Variants in PDZRN4 observed in about 807,000 individuals in gnomAD.
The protein encoded by PDZRN4 is PDZ domain containing ring finger 4, also known as PDZ domain-containing RING finger protein 4.
In PDZRN4, 70 loss-of-function variants were observed where a neutral mutation model predicts 99.0. The observed-to-expected ratio is 0.71, with a 90% CI of 0.58 to 0.86. The LOEUF (loss-of-function observed/expected upper bound fraction) is 0.86, where lower values mean the gene tolerates loss of function less well. Among genes scored for constraint, PDZRN4 ranks in the 40% least tolerant of loss-of-function variants. The pLI is 0.00. For synonymous variants in PDZRN4, 551 were observed against 501.6 expected (o/e 1.10, Z -1.32); for missense variants, 1,474 against 1,331.2 (o/e 1.11, Z -1.67).
intron 3 of PDZRN4, among the ~76,000 whole-genome samples, chr12:41,476,592 C>A (rs1190821956): frequency 6.6e-6 from 1 of 152,184 alleles, no homozygotes; most frequent in Non-Finnish European, 1.5e-5. Context: ...ACCCGAGGAA[C>A]ACCTGAAACC....
At chr12:41,458,105 A>T (rs1257272975) in intron 3 of PDZRN4, among the ~76,000 whole-genome samples, 2 of 152,326 alleles carry the variant, frequency 1.3e-5, no homozygotes, top group East Asian at 3.9e-4. Context: ...TTAAAAGCAG[A>T]GAGTCTGAAC....
intron 5 of PDZRN4, among the ~76,000 whole-genome samples, chr12:41,545,555 C>T (rs1023149146): frequency 7.2e-6 from 1 of 138,116 alleles, no homozygotes; most frequent in African/African-American, 2.7e-5. Context: ...GTGTGTGTGA[C>T]AATGAGAGTG....
chr12:41,290,308 CT>C (rs563993106), intron 3 of PDZRN4, among the ~76,000 whole-genome samples: 130 of 152,198 alleles, frequency 8.5e-4, no homozygotes, highest in African/African-American at 2.9e-3. Context: ...TGAGTGAAGG[CT>C]TTTAAAAAAT....
chr12:41,470,514 A>T (rs1952977503), intron 3 of PDZRN4, among the ~76,000 whole-genome samples: 1 of 151,232 alleles, frequency 6.6e-6, no homozygotes, highest in Non-Finnish European at 1.5e-5. Context: ...TTTAATTATT[A>T]TTATACTTTA....
intron 3 of PDZRN4, among the ~76,000 whole-genome samples, chr12:41,416,218 C>T (rs1191645035): frequency 6.6e-6 from 1 of 152,212 alleles, no homozygotes; most frequent in African/African-American, 2.4e-5. Context: ...CATACATCCA[C>T]TGTAGTTTAA....
intron 3 of PDZRN4, among the ~76,000 whole-genome samples, chr12:41,239,221 C>A (rs763054815): frequency 1.3e-5 from 2 of 152,108 alleles, no homozygotes; most frequent in Non-Finnish European, 2.9e-5. Flanking sequence ...GGACAGAAAA[C>A]CAAACACCAC....
At chr12:41,219,157 A>G (rs1308061109) in intron 3 of PDZRN4, among the ~76,000 whole-genome samples, 2 of 152,058 alleles carry the variant, frequency 1.3e-5, no homozygotes, top group Non-Finnish European at 2.9e-5. Context: ...GTTGAAGGTG[A>G]TTAGAGAATT....
At chr12:41,221,516 T>C (rs749266490) in intron 3 of PDZRN4, among the ~76,000 whole-genome samples, 1 of 152,006 alleles carries the variant, frequency 6.6e-6, no homozygotes, top group Non-Finnish European at 1.5e-5. Context: ...CTTATTAGTG[T>C]GGGTTTTTTT....
chr12:41,346,136 T>A (rs1278272059), intron 3 of PDZRN4, among the ~76,000 whole-genome samples: 2 of 152,138 alleles, frequency 1.3e-5, no homozygotes, highest in Non-Finnish European at 2.9e-5. Flanking sequence ...CTTGTGCGCA[T>A]CCCCTGAAAA....
intron 3 of PDZRN4, among the ~76,000 whole-genome samples, chr12:41,251,278 G>A (rs1429404338): frequency 6.6e-6 from 1 of 152,042 alleles, no homozygotes; most frequent in Non-Finnish European, 1.5e-5. Context: ...TCTTCAATTA[G>A]GGCATGAAAA....
intron 3 of PDZRN4, among the ~76,000 whole-genome samples, chr12:41,234,008 GC>G (rs546465129): frequency 2.6e-4 from 39 of 151,748 alleles, no homozygotes; most frequent in South Asian, 8.3e-4. Context: ...TCTCTGATTG[GC>G]CCCCGTCAGA....
intron 3 of PDZRN4, among the ~76,000 whole-genome samples, chr12:41,424,652 C>CAACA (rs34336049): frequency 0.52 from 78,803 of 151,524 alleles, 21,108 homozygotes; most frequent in African/African-American, 0.67. Flanking sequence ...TATGCTGGGG[C>CAACA]AACAGTCTTC....
intron 3 of PDZRN4, among the ~76,000 whole-genome samples, chr12:41,342,852 A>G (rs1470145423): frequency 1.3e-5 from 2 of 152,044 alleles, no homozygotes; most frequent in East Asian, 3.9e-4. Context: ...CAATCCAACT[A>G]CTAGGTATTT....
Position 41,188,874 on chromosome 12 carries a change from G to T in PDZRN4, c.419G>T (p.Gly140Val), listed in dbSNP as rs1950713678. 7.8e-6 allele frequency: 9 copies of T among 1,148,512 alleles called. No individual in the cohort carries two copies. The South Asian group carries it at 3.8e-4, about 48-fold the overall frequency. The allele number at this position is 1,148,512 out of a possible 1,614,324, so 71.1% of individuals were successfully genotyped here. A position where few individuals can be genotyped will look rare whatever the true frequency, so the allele number is the denominator to read the frequency against. The change falls in exon 1 of 10, where the codon GGC becomes GTC. Residue 140 changes from glycine to valine, a missense_variant. By Grantham distance (109) the Gly-to-Val change is moderately radical. Transcript: ENST00000402685. ...GGCTGCGGTCCGACACCCAGGGCTGGCCGGGGCGGGGGCGCGCGCGGGGGG... is the reference window on the plus strand; with the variant it reads ...GGCTGCGGTCCGACACCCAGGGCTGTCCGGGGCGGGGGCGCGCGCGGGGGG... Reference protein sequence around the residue: ...RGGCGPTPRAGRGGGARGGPP... With the variant: ...RGGCGPTPRAVRGGGARGGPP...
chr12:41,383,729 A>G (rs1238238571), intron 3 of PDZRN4, among the ~76,000 whole-genome samples: 2 of 152,228 alleles, frequency 1.3e-5, no homozygotes, highest in Non-Finnish European at 2.9e-5. Context: ...TTGTCAAAAC[A>G]TAATGAGATA....
rs1939522131 is a variant in PDZRN4, at chr12:41,573,511, T to C, written c.2732T>C (p.Leu911Pro). ...AAGAGACCCGTGCGAGACCGAATCC[T>C]GAAGGAACGTGCCTTAAAGATCAAG... ...ITKRPVRDRI[L>P]KERALKIKEE... is the part of the protein sequence containing the mutation. The change falls in exon 10 of 10, where the codon CTG (leucine) becomes CCG (proline). Residue 911 changes from leucine to proline, a missense_variant. Leu to Pro is a moderately conservative substitution (Grantham distance 98). Coordinates refer to ENST00000402685, the MANE Select transcript of PDZRN4 (RefSeq NM_001164595.2). The C allele has an allele frequency of 6.2e-7, 1 of 1,613,974 alleles. No individual in the cohort carries two copies. Among genetic ancestry groups the C allele is most frequent in the East Asian group, 2.2e-5 (1 of 44,840 alleles).
At chr12:41,544,070 T>C (rs1202072733) in intron 5 of PDZRN4, among the ~76,000 whole-genome samples, 1 of 152,196 alleles carries the variant, frequency 6.6e-6, no homozygotes, top group Non-Finnish European at 1.5e-5. Flanking sequence ...TTCTTAACAA[T>C]TAAATGAAAC....
At chr12:41,443,644 C>T (rs1251988595) in intron 3 of PDZRN4, among the ~76,000 whole-genome samples, 1 of 151,994 alleles carries the variant, frequency 6.6e-6, no homozygotes, top group South Asian at 2.1e-4. Context: ...CAGGAGGCTG[C>T]TGAAAAGCCT....
intron 3 of PDZRN4, among the ~76,000 whole-genome samples, chr12:41,335,752 G>A (rs1240854057): frequency 6.6e-6 from 1 of 152,026 alleles, no homozygotes; most frequent in Non-Finnish European, 1.5e-5. Context: ...TATGTCCAAG[G>A]TGTATACTTG....
Sources: allele counts gnomAD v4.1 joint callset (sites outside exome capture counted in the v4.1 genomes callset), GRCh38; gene constraint gnomAD v4.1.1; transcripts MANE v1.5; gene names NCBI Gene and HGNC (gene_info 2026-07-23, HGNC 2026-07-21).